SMURF1: variants seen among roughly 807,000 people sequenced by gnomAD.
The protein encoded by SMURF1 is SMAD specific E3 ubiquitin protein ligase 1.
In SMURF1, 44 loss-of-function variants were observed where a neutral mutation model predicts 98.0. The observed-to-expected ratio is 0.45, with a 90% CI of 0.35 to 0.58. The LOEUF is 0.58. SMURF1 is among the 20% of genes least tolerant of loss of function. The probability of loss-of-function intolerance (pLI) is 0.00; values close to 1 mark genes in which losing one functional copy is unlikely to be tolerated. For synonymous variants in SMURF1, 396 were observed against 374.9 expected (o/e 1.06, Z -0.65); for missense variants, 687 against 938.4 (o/e 0.73, Z 3.50).
intron 1 of SMURF1, among the ~76,000 whole-genome samples, chr7:99,077,548 G>A (rs1796493558): frequency 6.6e-6 from 1 of 151,978 alleles, no homozygotes; most frequent in Non-Finnish European, 1.5e-5. Flanking sequence ...TGGCCAGGAT[G>A]TTCTTGATCT....
At chr7:99,077,493 C>T (rs1796491170) in intron 1 of SMURF1, among the ~76,000 whole-genome samples, 1 of 151,742 alleles carries the variant, frequency 6.6e-6, no homozygotes, top group Non-Finnish European at 1.5e-5. Context: ...CCACCACACC[C>T]GGCTAACTTT....
intron 1 of SMURF1, among the ~76,000 whole-genome samples, chr7:99,130,487 A>C (rs1324596468): frequency 6.6e-6 from 1 of 152,174 alleles, no homozygotes; most frequent in Non-Finnish European, 1.5e-5. Flanking sequence ...AAATAACATT[A>C]TACAACAATC....
rs1794834277 is a variant in SMURF1, at chr7:99,030,479, G to A, written c.*105C>T. The A allele has an allele frequency of 2.1e-6, 2 of 930,590 alleles. No individual in the cohort carries two copies. Among genetic ancestry groups the A allele is most frequent in the Middle Eastern group, 3.2e-4 (1 of 3,136 alleles). 57.6% of individuals were successfully genotyped at this position (930,590 alleles called of 1,614,324 possible). On this transcript the variant is annotated 3_prime_UTR_variant, in exon 18 of 18. Coordinates refer to ENST00000361368, the MANE Select transcript of SMURF1 (RefSeq NM_181349.3). Reference sequence around the variant, plus strand: ...GAGAGACAACCCTTTCCCCTCAGGTGATCTGGAATTCCAGGGCCTCTGCCA... The same window carrying A: ...GAGAGACAACCCTTTCCCCTCAGGTAATCTGGAATTCCAGGGCCTCTGCCA...
At chr7:99,143,398 G>A (rs1290130955) in intron 1 of SMURF1, among the ~76,000 whole-genome samples, 8 of 147,858 alleles carry the variant, frequency 5.4e-5, no homozygotes, top group Non-Finnish European at 9.0e-5. Flanking sequence ...AGAGAAGCGA[G>A]GGGCGGGGCC....
chr7:99,049,767 A>C (rs2150524579), intron 8 of SMURF1, 58 bp from the exon 9 acceptor site: 1 of 1,531,510 alleles, frequency 6.5e-7, no homozygotes, highest in East Asian at 2.3e-5. Context: ...GAATGAGACC[A>C]AAAGTCAGCA....
intron 1 of SMURF1, among the ~76,000 whole-genome samples, chr7:99,074,032 TC>T (rs371398300): frequency 6.6e-6 from 1 of 152,310 alleles, no homozygotes; most frequent in African/African-American, 2.4e-5. Context: ...GAATGGCAGA[TC>T]CTAACAACAC....
At chr7:99,061,295 A>G (rs1018767940) in intron 2 of SMURF1, among the ~76,000 whole-genome samples, 2 of 152,238 alleles carry the variant, frequency 1.3e-5, no homozygotes, top group African/African-American at 4.8e-5. Context: ...AAAGTGTGTG[A>G]AGAATTTAAT....
chr7:99,088,618 C>G (rs1796734811), intron 1 of SMURF1, among the ~76,000 whole-genome samples: 1 of 151,974 alleles, frequency 6.6e-6, no homozygotes, highest in African/African-American at 2.4e-5. Context: ...AATCAAATGT[C>G]AAAATGGGCT....
Position 99,143,851 on chromosome 7 carries a change from C to A in SMURF1, c.-71G>T. 7.2e-7 allele frequency: 1 copy of A among 1,388,928 alleles called. No homozygotes were observed. The highest frequency in any genetic ancestry group is 9.5e-7 in the Non-Finnish European group (1 of 1,051,972). 86.0% of individuals were successfully genotyped at this position (1,388,928 alleles called of 1,614,324 possible). ...CCAGCCCGGCCCGGCCCGGCCCCGC[C>A]GCCGCCGCCTCAAGGTTACGGCTCC... On this transcript the variant is annotated 5_prime_UTR_variant, in exon 1 of 18. Coordinates refer to ENST00000361368, the MANE Select transcript of SMURF1 (RefSeq NM_181349.3).
intron 1 of SMURF1, among the ~76,000 whole-genome samples, chr7:99,063,000 G>A (rs1464323357): frequency 2.0e-5 from 3 of 151,520 alleles, no homozygotes; most frequent in Non-Finnish European, 4.4e-5. Context: ...ACTGTGTCAG[G>A]GAGACACTGA....
intron 1 of SMURF1, chr7:99,120,574 G>A (rs1245742788): frequency 1.3e-5 from 2 of 151,342 alleles, no homozygotes; most frequent in African/African-American, 2.4e-5. Flanking sequence ...CAAAGAAGCC[G>A]AGAGTGAGAG....
At chr7:99,065,209 C>T (rs1796159154) in intron 1 of SMURF1, among the ~76,000 whole-genome samples, 2 of 152,012 alleles carry the variant, frequency 1.3e-5, no homozygotes, top group South Asian at 4.1e-4. Flanking sequence ...AGCCTCCCAC[C>T]ACAGCCTCCC....
At chr7:99,033,597 C>G (rs1159192019) in intron 16 of SMURF1, among the ~76,000 whole-genome samples, 1 of 152,226 alleles carries the variant, frequency 6.6e-6, no homozygotes. Flanking sequence ...GCGTGAGCCA[C>G]CACACTCAGC....
chr7:99,035,894 C>A (rs1795117832), intron 15 of SMURF1, 178 bp from the exon 16 acceptor site: 1 of 639,506 alleles, frequency 1.6e-6, no homozygotes. Flanking sequence ...GTGGCACATG[C>A]TTCCGTCCGC....
At chr7:99,068,239 G>A (rs938736813) in intron 1 of SMURF1, among the ~76,000 whole-genome samples, 2 of 152,068 alleles carry the variant, frequency 1.3e-5, no homozygotes, top group East Asian at 1.9e-4. Flanking sequence ...GCACAACTGT[G>A]CCCTCCCTGA....
intron 8 of SMURF1, chr7:99,050,736 CAT>C (rs977099854): frequency 5.4e-6 from 3 of 556,904 alleles, no homozygotes; most frequent in African/African-American, 1.9e-5. Context: ...ATACATTAAA[CAT>C]AGTCTTGGAA....
At chr7:99,048,159 G>C in intron 9 of SMURF1, 2 of 390,550 alleles carry the variant, frequency 5.1e-6, no homozygotes, top group South Asian at 4.5e-5. Flanking sequence ...AGGCTGAGGT[G>C]GGTGGATCAC....
chr7:99,038,156 AC>A (rs2150503443), intron 14 of SMURF1, among the ~76,000 whole-genome samples: 1 of 152,080 alleles, frequency 6.6e-6, no homozygotes, highest in East Asian at 2.0e-4. Context: ...GTCCTTCCCC[AC>A]ATGGGCTCTG....
chr7:99,079,730 A>G (rs1268250297), intron 1 of SMURF1, among the ~76,000 whole-genome samples: 2 of 152,254 alleles, frequency 1.3e-5, no homozygotes, highest in African/African-American at 2.4e-5. Context: ...ACAGTTTTAA[A>G]TAACTCTTGG....
Sources: gnomAD v4.1 joint callset for allele counts (sites outside exome capture counted in the v4.1 genomes callset) on GRCh38, gnomAD v4.1.1 for gene constraint, MANE v1.5 for transcripts, NCBI Gene and HGNC (gene_info 2026-07-23, HGNC 2026-07-21) for gene names.